Variants in ARHGEF40 observed in about 807,000 individuals in gnomAD.
ARHGEF40 encodes the protein Rho guanine nucleotide exchange factor 40, also known as Rho guanine nucleotide exchange factor (GEF) 40.
A neutral mutation model predicts 165.9 loss-of-function variants in ARHGEF40; 98 were observed. The observed-to-expected ratio is 0.59, with a 90% CI of 0.50 to 0.70. The LOEUF (loss-of-function observed/expected upper bound fraction) is 0.70, where lower values mean the gene tolerates loss of function less well. Ranked by LOEUF, ARHGEF40 falls within the 30% of genes least tolerant of loss-of-function variation. ARHGEF40 has a pLI of 0.00. For synonymous variants in ARHGEF40, 792 were observed against 814.3 expected (o/e 0.97, Z 0.47); for missense variants, 1,815 against 1,968.0 (o/e 0.92, Z 1.47).
chr14:21,085,861 A>G lies in ARHGEF40; in HGVS notation c.4133A>G (p.Asn1378Ser), dbSNP rs760712459. 23 of 1,613,816 alleles carry G rather than the reference A, an allele frequency of 1.4e-5. No homozygotes were observed. In the South Asian group the frequency reaches 2.5e-4, roughly 18 times the overall value. Reference protein sequence around the residue: ...AQLLWRQAAHNKELRVQQMVS... With the variant: ...AQLLWRQAAHSKELRVQQMVS... ...CTGCTGTGGAGACAGGCAGCCCACA[A>G]CAAGGGTACTGGGCAGAGCTGAGGA... The change falls in exon 19 of 24, where the codon AAC becomes AGC. Residue 1378 changes from asparagine to serine, a missense_variant. Transcript: ENST00000298694.
chr14:21,078,908 A>C lies in ARHGEF40; in HGVS notation c.2271A>C (p.Thr757=), dbSNP rs780843899. The change falls in exon 11 of 24, where the codon ACA becomes ACC. Residue 757 remains threonine (T), a synonymous_variant. Coordinates refer to ENST00000298694, the MANE Select transcript of ARHGEF40 (RefSeq NM_018071.5). ...GGCTGGAGGGCCAAGGCCCAGCTAC[A>C]CTGTATCAGGAAGTGGACGAGGCCA... is the stretch of plus-strand genomic sequence containing the variant. The part of the protein sequence containing the change: ...SSKLEGQGPA[T]LYQEVDEAIH... 2.5e-6 allele frequency: 4 copies of C among 1,613,980 alleles called. No individual in the cohort carries two copies. Among genetic ancestry groups the C allele is most frequent in the Non-Finnish European group, 3.4e-6 (4 of 1,179,846 alleles).
intron 11 of ARHGEF40, among the ~76,000 whole-genome samples, chr14:21,080,415 C>A (rs1432598469): frequency 6.6e-6 from 1 of 152,206 alleles, no homozygotes; most frequent in Non-Finnish European, 1.5e-5. Flanking sequence ...TTGACCCACT[C>A]CCTCAGTGCT....
At chr14:21,068,651 G>T (rs1886421993), upstream of ARHGEF40, among the ~76,000 whole-genome samples, 1 of 152,182 alleles carries the variant, frequency 6.6e-6, no homozygotes, top group Non-Finnish European at 1.5e-5. Flanking sequence ...TAGCTCGCGG[G>T]CCCTCGTAAT....
Position 21,083,359 on chromosome 14 carries a change from T to C in ARHGEF40, c.3573+442T>C, listed in dbSNP as rs975146590. 5.4e-5 allele frequency among the ~76,000 whole-genome samples: 8 copies of C among 147,982 alleles called. No individual in the cohort carries two copies. In the Admixed American group the frequency reaches 5.4e-4, roughly 10 times the overall value. ...GATTGAGACTATCTGGCCAATATAGTGAAACCCCATCTCTACTAGAAATAC... is the reference window on the plus strand; with the variant it reads ...GATTGAGACTATCTGGCCAATATAGCGAAACCCCATCTCTACTAGAAATAC... On this transcript the variant is annotated intron_variant, in intron 16 of 23. Coordinates refer to ENST00000298694, the MANE Select transcript of ARHGEF40 (RefSeq NM_018071.5).
chr14:21,083,987 G>T lies in ARHGEF40; in HGVS notation c.3726G>T (p.Leu1242=), dbSNP rs758824882. ...ECRALGAAVQ[L]LREQEARGRD... is the part of the protein sequence containing the mutation. Reference sequence around the variant, plus strand: ...GGGCCCTTGGGGCTGCTGTACAGCTGCTCCGGGAACAAGAGGCCCGTGGCA... The same window carrying T: ...GGGCCCTTGGGGCTGCTGTACAGCTTCTCCGGGAACAAGAGGCCCGTGGCA... The change falls in exon 17 of 24, where the codon CTG becomes CTT. Residue 1242 remains leucine (L), a synonymous_variant. Coordinates refer to ENST00000298694, the MANE Select transcript of ARHGEF40 (RefSeq NM_018071.5). 1 of 1,613,356 alleles carries T rather than the reference G, an allele frequency of 6.2e-7. No homozygotes were observed.
intron 18 of ARHGEF40, 92 bp downstream of exon 18, chr14:21,085,015 T>A: frequency 6.8e-7 from 1 of 1,475,148 alleles, no homozygotes; most frequent in South Asian, 1.3e-5. Context: ...CCAACAGAGG[T>A]TCAGAATCTG....
Position 21,081,918 on chromosome 14 carries a change from A to G in ARHGEF40, c.3050A>G (p.Glu1017Gly). 1 of 1,613,064 alleles carries G rather than the reference A, an allele frequency of 6.2e-7. No homozygotes were observed. The highest frequency in any genetic ancestry group is 8.5e-7 in the Non-Finnish European group (1 of 1,179,700). Residue 1017 changes from glutamate to glycine, a missense_variant, in exon 14 of 24, where the codon GAG becomes GGG. Physicochemically the swap from Glu to Gly is moderately conservative, Grantham distance 98. Transcript: ENST00000298694. ...CTGGCCCCATGTGGAGAGGACTATGAGGAAGAGGGCCCTGAGCTGGCTCCA... is the reference window on the plus strand; with the variant it reads ...CTGGCCCCATGTGGAGAGGACTATGGGGAAGAGGGCCCTGAGCTGGCTCCA... Reference protein sequence around the residue: ...CSLAPCGEDYEEEGPELAPEA... With the variant: ...CSLAPCGEDYGEEGPELAPEA...
In ARHGEF40 at chr14:21,080,779, C is replaced by T. The variant is rs753143077; in HGVS notation, c.2493C>T (p.Val831=). 2.5e-6 allele frequency: 4 copies of T among 1,606,102 alleles called. No individual in the cohort carries two copies. In the South Asian group the frequency reaches 4.4e-5, roughly 18 times the overall value. ...ELRFRAFSAE[V]QERLAQAREA... is the part of the protein sequence containing the mutation. ...GATTCCGTGCTTTCAGCGCTGAGGT[C>T]CAGGTGAGAAGGGGCTGGAGGGCAG... Residue 831 remains valine, a synonymous_variant, in exon 12 of 24, where the codon GTC becomes GTT. Transcript: ENST00000298694.
chr14:21,069,371 G>A (rs1886489826), upstream of ARHGEF40, among the ~76,000 whole-genome samples: 1 of 152,214 alleles, frequency 6.6e-6, no homozygotes, highest in Non-Finnish European at 1.5e-5. Flanking sequence ...GGCCCTGCGG[G>A]ACTCTATAGC....
chr14:21,087,850 T>C (rs949790319), intron 21 of ARHGEF40, 118 bp from the exon 22 acceptor site: 35 of 1,410,376 alleles, frequency 2.5e-5, no homozygotes, highest in Non-Finnish European at 3.3e-5. Flanking sequence ...TGGATCGCTA[T>C]GGTGACTCAC....
chr14:21,078,572 A>T, intron 10 of ARHGEF40, 84 bp downstream of exon 10: 1 of 1,345,778 alleles, frequency 7.4e-7, no homozygotes, highest in Non-Finnish European at 1.0e-6. Flanking sequence ...TAGCTGCCAG[A>T]CCATTCTTAC....
the ARHGEF40 span, among the ~76,000 whole-genome samples, chr14:21,062,747 T>TGTGTGTGTGTGTGTG: frequency 2.8e-5 from 1 of 36,250 alleles, no homozygotes; most frequent in Non-Finnish European, 5.4e-5. Context: ...GTGTGTGTGT[T>TGTGTGTGTGTGTGTG]TTGTTATTTG....
rs917993677 is a variant in ARHGEF40 at position 21,075,113 on chromosome 14, C to T, written c.1383C>T (p.Ala461=). The change falls in exon 3 of 24, where the codon GCC becomes GCT. Residue 461 remains alanine (A), a synonymous_variant. Transcript: ENST00000298694. The surrounding 1 kb of genome is among the most constrained non-coding windows in gnomAD (Gnocchi z 4.5). ...AGEKEPQLSE[A]CGPTEEGAGE... ...AGAAAGAGCCTCAGCTCTCTGAAGC[C>T]TGTGGGCCTACAGAAGAGGGGGCCG... 1 of 1,613,788 alleles carries T rather than the reference C, an allele frequency of 6.2e-7. No homozygotes were observed. The highest frequency in any genetic ancestry group is 8.5e-7 in the Non-Finnish European group (1 of 1,179,978).
At chr14:21,079,153 G>T in intron 11 of ARHGEF40, 143 bp downstream of exon 11, 1 of 1,192,174 alleles carries the variant, frequency 8.4e-7, no homozygotes, top group Non-Finnish European at 1.1e-6. Flanking sequence ...TTGTTGGTCA[G>T]TGTGAGATTG....
At position 21,075,329 on chromosome 14, in the gene ARHGEF40, C is replaced by T; in HGVS notation, c.1451-3C>T. ...TCCCATGTTTCTGTCTGTGTCTGTG[C>T]AGGACACACAGGCCCAGAAGGCCCC... is the stretch of plus-strand genomic sequence containing the variant. On this transcript the variant is annotated splice_region_variant and splice_polypyrimidine_tract_variant and intron_variant, in intron 3 of 23. Coordinates refer to ENST00000298694, the MANE Select transcript of ARHGEF40 (RefSeq NM_018071.5). The surrounding 1 kb of genome is among the most constrained non-coding windows in gnomAD (Gnocchi z 4.5). 1 of 1,613,816 alleles carries T rather than the reference C, an allele frequency of 6.2e-7. No homozygotes were observed. Among genetic ancestry groups the T allele is most frequent in the Non-Finnish European group, 8.5e-7 (1 of 1,179,930 alleles).
chr14:21,084,686 T>G, intron 17 of ARHGEF40, 67 bp from the exon 18 acceptor site: 1 of 1,541,454 alleles, frequency 6.5e-7, no homozygotes, highest in South Asian at 1.2e-5. Context: ...ATAAATCTAT[T>G]TTTGCTCCCT....
intron 1 of ARHGEF40, among the ~76,000 whole-genome samples, chr14:21,071,352 C>T (rs1886833003): frequency 6.6e-6 from 1 of 152,094 alleles, no homozygotes; most frequent in Non-Finnish European, 1.5e-5. Flanking sequence ...GGCCAAGGGG[C>T]CGCTCGCTGC....
At chr14:21,067,714 C>G (rs1437336375), upstream of ARHGEF40, among the ~76,000 whole-genome samples, 3 of 151,862 alleles carry the variant, frequency 2.0e-5, no homozygotes, top group Non-Finnish European at 2.9e-5. Context: ...TTCATATTCC[C>G]CCACTAAAAA....
Position 21,074,343 on chromosome 14 carries a change from C to T in ARHGEF40, c.613C>T (p.Leu205=). The T allele has an allele frequency of 6.2e-7, 1 of 1,614,204 alleles. No individual in the cohort carries two copies. The highest frequency in any genetic ancestry group is 1.1e-5 in the South Asian group (1 of 91,092). Residue 205 remains leucine (L), a synonymous_variant, in exon 3 of 24, where the codon CTG becomes TTG. Coordinates refer to ENST00000298694, the MANE Select transcript of ARHGEF40 (RefSeq NM_018071.5). The surrounding 1 kb of genome is among the most constrained non-coding windows in gnomAD (Gnocchi z 4.8). ...TCAGCCAAGTACACTGCCCCCAGAA[C>T]TGCCCTCTGGACCTCCAGGGCTTCC... ...GHQPSTLPPE[L]PSGPPGLPSP...
Sources: gnomAD v4.1 joint callset for allele counts (sites outside exome capture counted in the v4.1 genomes callset) on GRCh38, gnomAD v4.1.1 for gene constraint, Gnocchi (gnomAD v3.1) non-coding constraint, MANE v1.5 for transcripts, NCBI Gene and HGNC (gene_info 2026-07-23, HGNC 2026-07-21) for gene names.